The following CACNA2D3 variants were observed in gnomAD, a reference collection of about 807,000 sequenced individuals.
The protein encoded by CACNA2D3 is calcium voltage-gated channel auxiliary subunit alpha2delta 3.
A neutral mutation model predicts 160.6 loss-of-function variants in CACNA2D3; 60 were observed. The ratio of observed to expected loss-of-function variants is 0.37; its 90% CI spans 0.30 to 0.46. The LOEUF is 0.46. CACNA2D3 is among the 20% of genes least tolerant of loss of function. CACNA2D3 has a pLI of 1.00. For missense variants in CACNA2D3, 1,205 were observed against 1,365.0 expected (o/e 0.88, Z 1.85); for synonymous variants, 558 against 492.9 (o/e 1.13, Z -1.75).
chr3:54,368,237 A>G (rs1698859787), intron 3 of CACNA2D3, among the ~76,000 whole-genome samples: 1 of 152,164 alleles, frequency 6.6e-6, no homozygotes, highest in South Asian at 2.1e-4. Context: ...TGGAAGGCCG[A>G]GGTGGGAGGA....
chr3:54,221,506 C>T (rs1701571771), intron 2 of CACNA2D3, among the ~76,000 whole-genome samples: 1 of 152,206 alleles, frequency 6.6e-6, no homozygotes, highest in Admixed American at 6.5e-5. Context: ...GTGAACATTA[C>T]ATCTCTAAGA....
chr3:54,756,501 C>T (rs1028260888), intron 12 of CACNA2D3, among the ~76,000 whole-genome samples: 23 of 152,134 alleles, frequency 1.5e-4, no homozygotes, highest in African/African-American at 5.6e-4. Flanking sequence ...TTTTTCATCT[C>T]AAGTGTCATG....
chr3:54,938,841 G>T (rs898928453), intron 27 of CACNA2D3, among the ~76,000 whole-genome samples: 3 of 152,188 alleles, frequency 2.0e-5, no homozygotes, highest in Non-Finnish European at 4.4e-5. Flanking sequence ...AGAAAAGTCA[G>T]GGTTGAGTTT....
intron 13 of CACNA2D3, among the ~76,000 whole-genome samples, chr3:54,795,208 T>A (rs1050204406): frequency 1.6e-4 from 25 of 152,200 alleles, no homozygotes; most frequent in Non-Finnish European, 3.2e-4. Flanking sequence ...TTTTAAGTAT[T>A]GTATTTTTAA....
chr3:54,896,577 T>A (rs1700193419), intron 25 of CACNA2D3, 172 bp from the exon 26 acceptor site: 3 of 651,566 alleles, frequency 4.6e-6, no homozygotes, highest in Admixed American at 2.7e-5. Flanking sequence ...AAGATGTTTT[T>A]GAGTAATCTG....
At chr3:54,983,781 A>C (rs1296306898) in intron 29 of CACNA2D3, among the ~76,000 whole-genome samples, 1 of 152,234 alleles carries the variant, frequency 6.6e-6, no homozygotes, top group Non-Finnish European at 1.5e-5. Flanking sequence ...AAGATATGTT[A>C]CAAATTAAAT....
intron 11 of CACNA2D3, among the ~76,000 whole-genome samples, chr3:54,719,433 T>C (rs759537544): frequency 4.6e-5 from 7 of 151,982 alleles, no homozygotes; most frequent in Non-Finnish European, 8.8e-5. Flanking sequence ...TTTTTTCTTC[T>C]TTTTTAATGT....
chr3:54,127,908 A>AT (rs202047385), intron 2 of CACNA2D3, among the ~76,000 whole-genome samples: 68 of 135,982 alleles, frequency 5.0e-4, no homozygotes, highest in Middle Eastern at 7.2e-3. Context: ...TTTTTTGCTC[A>AT]TTTTTTTTTT....
chr3:54,534,620 A>C (rs1701858844), intron 5 of CACNA2D3, among the ~76,000 whole-genome samples: 2 of 152,096 alleles, frequency 1.3e-5, no homozygotes, highest in African/African-American at 2.4e-5. Flanking sequence ...CTTCTTAAAA[A>C]AAAAAAAGAA....
At chr3:54,809,527 C>G (rs1703241422) in intron 13 of CACNA2D3, among the ~76,000 whole-genome samples, 1 of 144,922 alleles carries the variant, frequency 6.9e-6, no homozygotes, top group South Asian at 2.1e-4. Flanking sequence ...ACCTTGTTAG[C>G]CAGGATGGTC....
intron 31 of CACNA2D3, among the ~76,000 whole-genome samples, chr3:54,988,448 G>A (rs6794253): frequency 0.24 from 35,862 of 152,114 alleles, 4,555 homozygotes; most frequent in African/African-American, 0.32. Context: ...CCATGAGATC[G>A]GGTGTTAGAA....
intron 24 of CACNA2D3, among the ~76,000 whole-genome samples, chr3:54,888,461 C>A (rs1699979725): frequency 6.6e-6 from 1 of 151,872 alleles, no homozygotes; most frequent in Non-Finnish European, 1.5e-5. Context: ...TAGATATAAC[C>A]CTGTGGTTTT....
chr3:54,560,082 C>T (rs898375605), intron 5 of CACNA2D3, among the ~76,000 whole-genome samples: 1 of 152,134 alleles, frequency 6.6e-6, no homozygotes, highest in Non-Finnish European at 1.5e-5. Context: ...CTGATTTATA[C>T]TCCTTTGAGT....
intron 11 of CACNA2D3, among the ~76,000 whole-genome samples, chr3:54,749,791 G>C (rs2107062929): frequency 6.6e-6 from 1 of 152,270 alleles, no homozygotes; most frequent in African/African-American, 2.4e-5. Context: ...GGGAGCCAAG[G>C]ACTACAAATC....
At chr3:54,986,203 G>T (rs530089742) in intron 30 of CACNA2D3, among the ~76,000 whole-genome samples, 79 of 152,258 alleles carry the variant, frequency 5.2e-4, no homozygotes, top group African/African-American at 1.9e-3. Flanking sequence ...GAGTCCTGGA[G>T]CAGCCAACAA....
chr3:54,175,613 CAAAAA>C (rs1163953295), intron 2 of CACNA2D3, among the ~76,000 whole-genome samples: 1 of 90,320 alleles, frequency 1.1e-5, no homozygotes, highest in Non-Finnish European at 2.2e-5. Flanking sequence ...GACTCTGTCT[CAAAAA>C]AAAAAAAAAA....
intron 24 of CACNA2D3, among the ~76,000 whole-genome samples, chr3:54,889,852 T>C (rs761406325): frequency 4.6e-5 from 7 of 152,190 alleles, no homozygotes; most frequent in Admixed American, 2.6e-4. Flanking sequence ...TCGGCTCTCA[T>C]GAAACTCAAA....
At chr3:54,328,632 G>A (rs1242569169) in intron 3 of CACNA2D3, among the ~76,000 whole-genome samples, 2 of 152,114 alleles carry the variant, frequency 1.3e-5, no homozygotes, top group African/African-American at 2.4e-5. Context: ...GGTCCCTCCG[G>A]CTCCTCATCT....
intron 2 of CACNA2D3, among the ~76,000 whole-genome samples, chr3:54,298,221 GACGGACCTCTAC>G (rs1049679886): frequency 6.6e-6 from 1 of 152,160 alleles, no homozygotes; most frequent in Non-Finnish European, 1.5e-5. Context: ...CAAATAGAAA[GACGGACCTCTAC>G]ACGAAAGAAT....
Sources: allele counts gnomAD v4.1 joint callset (sites outside exome capture counted in the v4.1 genomes callset), GRCh38; gene constraint gnomAD v4.1.1; transcripts MANE v1.5; gene names NCBI Gene and HGNC (gene_info 2026-07-23, HGNC 2026-07-21).